Variants in NT5E observed in about 807,000 individuals in gnomAD.
The protein encoded by NT5E is 5'-nucleotidase.
Under a neutral mutation model 55.1 loss-of-function variants are expected in NT5E, and 53 were observed. That is an observed-to-expected ratio of 0.96 (90% CI 0.77 to 1.21). The LOEUF (loss-of-function observed/expected upper bound fraction) is 1.21. NT5E is among the 50% of genes most tolerant of loss of function. The pLI, the probability that NT5E is intolerant of heterozygous loss-of-function variation, is 0.00. For missense variants in NT5E, 683 were observed against 724.3 expected (o/e 0.94, Z 0.65); for synonymous variants, 270 against 278.4 (o/e 0.97, Z 0.30).
chr6:85,468,739 C>T (rs1384903800), intron 2 of NT5E, among the ~76,000 whole-genome samples: 1 of 152,028 alleles, frequency 6.6e-6, no homozygotes. Context: ...TGGAGGAAAG[C>T]ATTGTCTCTT....
intron 1 of NT5E, 129 bp from the exon 2 acceptor site, chr6:85,466,931 C>T (rs1769206868): frequency 9.3e-6 from 8 of 858,662 alleles, no homozygotes; most frequent in African/African-American, 6.7e-5. Flanking sequence ...GTCCCTGGGC[C>T]TGACCCAGGT....
intron 3 of NT5E, 101 bp downstream of exon 3, chr6:85,471,526 ATG>A: frequency 1.2e-6 from 1 of 803,912 alleles, no homozygotes; most frequent in Non-Finnish European, 2.0e-6. Context: ...GCTATTTAAT[ATG>A]TAATGTATAT....
At chr6:85,490,736 C>T (rs1769765838) in intron 7 of NT5E, 79 bp downstream of exon 7, 2 of 1,531,692 alleles carry the variant, frequency 1.3e-6, no homozygotes, top group African/African-American at 2.7e-5. Flanking sequence ...TTCCCCTTCA[C>T]CAAAATTCCT....
At chr6:85,453,217 C>T (rs1375255706) in intron 1 of NT5E, among the ~76,000 whole-genome samples, 1 of 152,206 alleles carries the variant, frequency 6.6e-6, no homozygotes, top group Non-Finnish European at 1.5e-5. Context: ...CATGGAAGCA[C>T]TGACAGTATG....
intron 1 of NT5E, among the ~76,000 whole-genome samples, chr6:85,453,178 T>TGA (rs1768922563): frequency 6.6e-6 from 1 of 152,148 alleles, no homozygotes. Flanking sequence ...GTGGAAGGAC[T>TGA]GTTGTCCCCT....
At chr6:85,487,533 AGGAAGAG>A (rs1769694220) in intron 5 of NT5E, 44 bp downstream of exon 5, 1 of 1,609,378 alleles carries the variant, frequency 6.2e-7, no homozygotes, top group Non-Finnish European at 8.5e-7. Flanking sequence ...GAGGAAGGAA[AGGAAGAG>A]GGAAGAGGAA....
At chr6:85,480,518 G>C (rs534997598) in intron 3 of NT5E, among the ~76,000 whole-genome samples, 3 of 152,126 alleles carry the variant, frequency 2.0e-5, no homozygotes, top group Non-Finnish European at 4.4e-5. Flanking sequence ...GCTCTGTCCT[G>C]GTCACCTGAA....
chr6:85,489,182 C>A (rs1008757606), intron 5 of NT5E, among the ~76,000 whole-genome samples: 1 of 152,140 alleles, frequency 6.6e-6, no homozygotes, highest in South Asian at 2.1e-4. Context: ...AGTGACTCTG[C>A]AGGCCACCTT....
At chr6:85,460,151 CG>C (rs909894586) in intron 1 of NT5E, among the ~76,000 whole-genome samples, 7 of 152,168 alleles carry the variant, frequency 4.6e-5, no homozygotes, top group African/African-American at 1.7e-4. Flanking sequence ...CTAAATTAAA[CG>C]GGTACTCACC....
rs1403416131 is a variant in NT5E, at chr6:85,485,416, C to CT, written c.933_934insT (p.Ser312Ter). On this transcript the variant is annotated frameshift_variant, in exon 4 of 9. Coordinates refer to ENST00000257770, the MANE Select transcript of NT5E (RefSeq NM_002526.4). LOFTEE classifies it high-confidence loss of function. Reference sequence around the variant, plus strand: ...CCCATGGAAATCCCATTCTTCTAAACAGCAGCATTCCTGAAGGTAAGTGAA... The same window carrying CT: ...CCCATGGAAATCCCATTCTTCTAAACTAGCAGCATTCCTGAAGGTAAGTGAA... 2 of 1,614,194 alleles carry CT rather than the reference C, an allele frequency of 1.2e-6. No homozygotes were observed. The highest frequency in any genetic ancestry group is 1.7e-6 in the Non-Finnish European group (2 of 1,180,004).
In NT5E at chr6:85,450,407, A is replaced by T. The variant is rs1286438744; in HGVS notation, c.268A>T (p.Thr90Ser). Residue 90 changes from threonine to serine, a missense_variant, in exon 1 of 9, where the codon ACT becomes TCT. Transcript: ENST00000257770. The surrounding 1 kb of genome is among the most constrained non-coding windows in gnomAD (Gnocchi z 4.0). Reference sequence around the variant, plus strand: ...GGACGCCGGCGACCAGTACCAGGGCACTATCTGGTTCACCGTGTACAAGGG... The same window carrying T: ...GGACGCCGGCGACCAGTACCAGGGCTCTATCTGGTTCACCGTGTACAAGGG... ...LLDAGDQYQGTIWFTVYKGAE... is the reference protein window; with the variant it reads ...LLDAGDQYQGSIWFTVYKGAE... 1.2e-6 allele frequency: 2 copies of T among 1,603,076 alleles called. No homozygotes were observed. Among genetic ancestry groups the T allele is most frequent in the East Asian group, 2.2e-5 (1 of 44,488 alleles).
At chr6:85,475,592 T>C (rs1413440122) in intron 3 of NT5E, among the ~76,000 whole-genome samples, 1 of 152,222 alleles carries the variant, frequency 6.6e-6, no homozygotes, top group African/African-American at 2.4e-5. Context: ...AACTGGTCCA[T>C]GTTGCTTCCT....
intron 1 of NT5E, among the ~76,000 whole-genome samples, chr6:85,453,563 G>C (rs1768932783): frequency 6.6e-6 from 1 of 152,204 alleles, no homozygotes; most frequent in Non-Finnish European, 1.5e-5. Flanking sequence ...CAAAACTGAA[G>C]GTATCCACCT....
chr6:85,486,372 T>C (rs1769663095), intron 4 of NT5E, among the ~76,000 whole-genome samples: 1 of 152,162 alleles, frequency 6.6e-6, no homozygotes, highest in Non-Finnish European at 1.5e-5. Flanking sequence ...GACATGAAGC[T>C]AGATAACCAG....
intron 3 of NT5E, among the ~76,000 whole-genome samples, chr6:85,484,114 A>G (rs1002023573): frequency 6.6e-6 from 1 of 152,216 alleles, no homozygotes; most frequent in African/African-American, 2.4e-5. Flanking sequence ...CGATTCTCGT[A>G]ACAGGTCCAT....
chr6:85,463,763 T>C (rs1769137962), intron 1 of NT5E, among the ~76,000 whole-genome samples: 1 of 152,192 alleles, frequency 6.6e-6, no homozygotes, highest in Non-Finnish European at 1.5e-5. Context: ...CTTGGTGTAC[T>C]GAGGTGAGTA....
At chr6:85,481,529 C>T (rs1014504284) in intron 3 of NT5E, among the ~76,000 whole-genome samples, 1 of 152,180 alleles carries the variant, frequency 6.6e-6, no homozygotes, top group African/African-American at 2.4e-5. Flanking sequence ...CACAATAACT[C>T]TGTAAGGTAG....
intron 1 of NT5E, among the ~76,000 whole-genome samples, chr6:85,451,909 G>A (rs1010236350): frequency 4.6e-5 from 7 of 152,222 alleles, no homozygotes; most frequent in Non-Finnish European, 1.0e-4. Context: ...ATTTTAATGA[G>A]ATGAGAGAAG....
chr6:85,487,665 G>A (rs1769697572), intron 5 of NT5E, among the ~76,000 whole-genome samples, 176 bp downstream of exon 5: 1 of 152,222 alleles, frequency 6.6e-6, no homozygotes, highest in Non-Finnish European at 1.5e-5. Context: ...GCTTAGGTGG[G>A]AAGATGGCTT....
Sources: allele counts gnomAD v4.1 joint callset (sites outside exome capture counted in the v4.1 genomes callset), GRCh38; gene constraint gnomAD v4.1.1; non-coding constraint Gnocchi (gnomAD v3.1); transcripts MANE v1.5; gene names NCBI Gene and HGNC (gene_info 2026-07-23, HGNC 2026-07-21).